SPAG16: variants seen among roughly 807,000 people sequenced by gnomAD.
The protein encoded by SPAG16 is sperm associated antigen 16.
In SPAG16, 86 loss-of-function variants were observed where a neutral mutation model predicts 80.4. The observed-to-expected ratio is 1.07, with a 90% CI of 0.90 to 1.28. The LOEUF is 1.28. SPAG16 is among the 50% of genes most tolerant of loss of function. The probability of loss-of-function intolerance (pLI) is 0.00; values close to 1 mark genes in which losing one functional copy is unlikely to be tolerated. For synonymous variants in SPAG16, 294 were observed against 265.9 expected (o/e 1.11, Z -1.03); for missense variants, 870 against 765.3 (o/e 1.14, Z -1.61).
At chr2:213,331,709 T>A (rs1054635827) in intron 5 of SPAG16, among the ~76,000 whole-genome samples, 1 of 152,154 alleles carries the variant, frequency 6.6e-6, no homozygotes, top group Non-Finnish European at 1.5e-5. Flanking sequence ...AATAAAACTA[T>A]AAATCAACAA....
At chr2:213,760,200 A>G (rs2068579423) in intron 10 of SPAG16, among the ~76,000 whole-genome samples, 2 of 152,204 alleles carry the variant, frequency 1.3e-5, no homozygotes, top group South Asian at 2.1e-4. Context: ...TTTAGATCCA[A>G]AGATGCAAAT....
rs180766841 is a variant in SPAG16 at position 214,309,321 on chromosome 2, G to A, written c.1721-100819G>A. ...ATTATTTTTAGCTTCCTCGCACTGG[G>A]TTACAATGTACTCCTATAGCTCAGT... On this transcript the variant is annotated intron_variant, in intron 15 of 15. Transcript: ENST00000331683. 1.1e-3 allele frequency among the ~76,000 whole-genome samples: 166 copies of A among 152,064 alleles called. No individual in the cohort carries two copies. In the Middle Eastern group the frequency reaches 0.014, roughly 12 times the overall value.
intron 2 of SPAG16, among the ~76,000 whole-genome samples, chr2:213,296,434 G>C (rs1287538533): frequency 6.6e-6 from 1 of 152,158 alleles, no homozygotes; most frequent in Non-Finnish European, 1.5e-5. Context: ...CATCCAGTCT[G>C]CTCTTGTCAA....
intron 15 of SPAG16, among the ~76,000 whole-genome samples, chr2:214,393,207 C>T (rs975263215): frequency 4.6e-5 from 7 of 152,248 alleles, no homozygotes; most frequent in Non-Finnish European, 7.4e-5. Context: ...AACATATTTT[C>T]GTGAATCTCA....
intron 15 of SPAG16, among the ~76,000 whole-genome samples, chr2:214,358,656 T>C (rs1698975906): frequency 6.6e-6 from 1 of 151,880 alleles, no homozygotes; most frequent in Non-Finnish European, 1.5e-5. Context: ...TTTCAGATAA[T>C]AGGAGCTCTG....
chr2:214,235,545 A>G (rs1421591898), intron 15 of SPAG16, among the ~76,000 whole-genome samples: 1 of 152,162 alleles, frequency 6.6e-6, no homozygotes, highest in Non-Finnish European at 1.5e-5. Flanking sequence ...CACCTCCTGG[A>G]ACCCTGCATA....
intron 12 of SPAG16, among the ~76,000 whole-genome samples, chr2:213,980,273 T>A (rs796071512): frequency 0.037 from 1,276 of 34,208 alleles, 36 homozygotes; most frequent in African/African-American, 0.1. Flanking sequence ...ATATATTCTC[T>A]ATATATATAG....
chr2:213,408,825 C>G (rs1234358307), intron 9 of SPAG16, among the ~76,000 whole-genome samples: 1 of 152,148 alleles, frequency 6.6e-6, no homozygotes, highest in Non-Finnish European at 1.5e-5. Context: ...ACCATCTATA[C>G]CAATTCTAAG....
chr2:214,232,321 T>C (rs1400522496), intron 15 of SPAG16, among the ~76,000 whole-genome samples: 1 of 151,988 alleles, frequency 6.6e-6, no homozygotes, highest in Non-Finnish European at 1.5e-5. Context: ...TGGTATGAAA[T>C]ATTTCAGTAT....
In SPAG16 at chr2:213,685,485, G is replaced by T. The variant is rs1000726166; in HGVS notation, c.1071-177000G>T. ...ATGACTCTGCTAACACCTTGAGTTTGGCCTTCTGGCCTCCAGAAGTGTGGC... is the reference window on the plus strand; with the variant it reads ...ATGACTCTGCTAACACCTTGAGTTTTGCCTTCTGGCCTCCAGAAGTGTGGC... On this transcript the variant is annotated intron_variant, in intron 10 of 15. Transcript: ENST00000331683. Among the ~76,000 whole-genome samples, 20 of 152,346 alleles carry T rather than the reference G, an allele frequency of 1.3e-4. 2 individuals are homozygous for T. Among genetic ancestry groups the T allele is most frequent in the African/African-American group, 4.6e-4 (19 of 41,576 alleles).
chr2:213,284,721 C>T (rs926097592), intron 1 of SPAG16, 102 bp downstream of exon 1: 1 of 1,438,514 alleles, frequency 7.0e-7, no homozygotes, highest in African/African-American at 1.4e-5. Context: ...GCCTTGGGGC[C>T]ACTCCGGAGG....
chr2:214,166,075 C>G (rs2056641506), intron 15 of SPAG16, among the ~76,000 whole-genome samples: 1 of 151,978 alleles, frequency 6.6e-6, no homozygotes, highest in South Asian at 2.1e-4. Flanking sequence ...AATGGAATAC[C>G]ATGTGACTAT....
intron 10 of SPAG16, among the ~76,000 whole-genome samples, chr2:213,667,488 T>G (rs1208423966): frequency 6.6e-6 from 1 of 152,214 alleles, no homozygotes; most frequent in Non-Finnish European, 1.5e-5. Flanking sequence ...CAATATCTAC[T>G]ATTCAACAAG....
rs139012796 is a variant in SPAG16 at position 213,623,327 on chromosome 2, A to C, written c.1070+133237A>C. On this transcript the variant is annotated intron_variant, in intron 10 of 15. Coordinates refer to ENST00000331683, the MANE Select transcript of SPAG16 (RefSeq NM_024532.5). ...ATGTCATCACTAAATCGAAGGTAAA[A>C]TTATGTTTTTTTCCTGAACTATGAA... 3.6e-4 allele frequency among the ~76,000 whole-genome samples: 55 copies of C among 152,208 alleles called. No individual in the cohort carries two copies. In the East Asian group the frequency reaches 9.8e-3, roughly 27 times the overall value.
intron 10 of SPAG16, among the ~76,000 whole-genome samples, chr2:213,660,596 C>T (rs986567519): frequency 3.3e-5 from 5 of 152,112 alleles, no homozygotes; most frequent in African/African-American, 9.7e-5. Flanking sequence ...GGCTGCCCTG[C>T]TGCACCATAA....
chr2:213,469,570 G>GTTTTT lies in SPAG16; in HGVS notation c.943-20371_943-20367dup, dbSNP rs34005287. 6.3e-5 allele frequency among the ~76,000 whole-genome samples: 5 copies of GTTTTT among 79,270 alleles called. 1 individual carries two copies. The highest frequency in any genetic ancestry group is 9.7e-5 in the Non-Finnish European group (4 of 41,276). 52.0% of individuals were successfully genotyped at this position (79,270 alleles called of 152,430 possible). ...TTGCCTTCAGCAAGCACCTCAGCAGGTTTTTTTTTTTTTTTTTTTTTTTTT... is the reference window on the plus strand; with the variant it reads ...TTGCCTTCAGCAAGCACCTCAGCAGGTTTTTTTTTTTTTTTTTTTTTTTTTTTTTT... On this transcript the variant is annotated intron_variant, in intron 9 of 15. Coordinates refer to ENST00000331683, the MANE Select transcript of SPAG16 (RefSeq NM_024532.5).
intron 6 of SPAG16, among the ~76,000 whole-genome samples, chr2:213,340,660 T>C (rs904171569): frequency 7.2e-5 from 11 of 152,048 alleles, no homozygotes; most frequent in Non-Finnish European, 8.8e-5. Flanking sequence ...CACCAAGACA[T>C]GAAAAAACAT....
At chr2:214,092,543 G>C (rs576068564) in intron 13 of SPAG16, among the ~76,000 whole-genome samples, 1 of 150,904 alleles carries the variant, frequency 6.6e-6, no homozygotes, top group South Asian at 2.1e-4. Flanking sequence ...CTGTTTATCT[G>C]TCATCTGCAT....
chr2:213,525,334 G>C (rs1471221734), intron 10 of SPAG16, among the ~76,000 whole-genome samples: 1 of 141,966 alleles, frequency 7.0e-6, no homozygotes, highest in Non-Finnish European at 1.5e-5. Flanking sequence ...GTTCACCCAG[G>C]CTGGAGTGCA....
Sources: gnomAD v4.1 joint callset for allele counts (sites outside exome capture counted in the v4.1 genomes callset) on GRCh38, gnomAD v4.1.1 for gene constraint, MANE v1.5 for transcripts, NCBI Gene and HGNC (gene_info 2026-07-23, HGNC 2026-07-21) for gene names.